The following KIAA1210 variants were observed in gnomAD, a reference collection of about 807,000 sequenced individuals.
The protein encoded by KIAA1210 is acrosomal protein KIAA1210.
A neutral mutation model predicts 78.9 loss-of-function variants in KIAA1210; 48 were observed. That is an observed-to-expected ratio of 0.61 (90% CI 0.48 to 0.77). The LOEUF (loss-of-function observed/expected upper bound fraction) is 0.77, where lower values mean the gene tolerates loss of function less well. Among genes scored for constraint, KIAA1210 ranks in the 30% least tolerant of loss-of-function variants. The pLI, the probability that KIAA1210 is intolerant of heterozygous loss-of-function variation, is 0.00. For synonymous variants in KIAA1210, 406 were observed against 404.5 expected (o/e 1.00, Z -0.04); for missense variants, 1,108 against 1,100.0 (o/e 1.01, Z -0.10).
At position 119,096,269 on chromosome X, in the gene KIAA1210, C is replaced by A. The variant is rs183339509; in HGVS notation, c.846+225G>T. On this transcript the variant is annotated intron_variant, in intron 7 of 11. Coordinates refer to ENST00000691062, the MANE Select transcript of KIAA1210 (RefSeq NM_001394962.1). Reference sequence around the variant, plus strand: ...TTTACTGTTTCTGCTTCCTTTTAGTCCCTTCTAATATAAGTTCCACATGGA... The same window carrying A: ...TTTACTGTTTCTGCTTCCTTTTAGTACCTTCTAATATAAGTTCCACATGGA... Among the ~76,000 whole-genome samples the A allele has an allele frequency of 1.2e-4, 14 of 112,229 alleles. No individual in the cohort carries two copies. The East Asian group carries it at 3.6e-3, about 29-fold the overall frequency.
At chrX:119,096,080 T>A (rs1927542731) in intron 7 of KIAA1210, among the ~76,000 whole-genome samples, 1 of 112,069 alleles carries the variant, frequency 8.9e-6, no homozygotes, top group Admixed American at 9.4e-5. Context: ...GAAAGCTTGA[T>A]CTCCAAATAA....
chrX:119,107,145 G>A (rs1390369840), intron 5 of KIAA1210, among the ~76,000 whole-genome samples: 1 of 112,675 alleles, frequency 8.9e-6, no homozygotes, highest in Non-Finnish European at 1.9e-5. Context: ...TATCAACTAA[G>A]GGATCAGGCC....
chrX:119,145,429 C>G (rs761862469), intron 2 of KIAA1210, among the ~76,000 whole-genome samples: 2 of 110,524 alleles, frequency 1.8e-5, no homozygotes, highest in Non-Finnish European at 3.8e-5. Flanking sequence ...CCCTGGGGAG[C>G]AAAATTATCC....
intron 2 of KIAA1210, among the ~76,000 whole-genome samples, chrX:119,135,534 T>G (rs1332746209): frequency 9.0e-6 from 1 of 111,250 alleles, no homozygotes; most frequent in African/African-American, 3.3e-5. Context: ...AAAGTCAGAA[T>G]TGAGGGGCCC....
intron 3 of KIAA1210, among the ~76,000 whole-genome samples, chrX:119,111,345 G>A (rs1266172486): frequency 9.0e-6 from 1 of 111,603 alleles, no homozygotes; most frequent in Non-Finnish European, 1.9e-5. Context: ...GCAAAGACTT[G>A]GAACCAACCC....
chrX:119,086,070 C>T (rs890866056), intron 9 of KIAA1210, among the ~76,000 whole-genome samples: 2 of 112,589 alleles, frequency 1.8e-5, no homozygotes, highest in Non-Finnish European at 3.7e-5. Flanking sequence ...TCGCCTAGCT[C>T]TAAATTCTTA....
rs1019467283 is a variant in KIAA1210, at chrX:119,098,628, G to C, written c.649-1937C>G. Among the ~76,000 whole-genome samples, 3 of 103,623 alleles carry C rather than the reference G, an allele frequency of 2.9e-5. No homozygotes were observed. In the East Asian group the frequency reaches 9.1e-4, roughly 32 times the overall value. 90.0% of individuals were successfully genotyped at this position (103,623 alleles called of 115,157 possible). Reference sequence around the variant, plus strand: ...TCAAAAAAAAAAAAAAAAAAAAAAGGCACCTTTTCAGTGATGTCTTCCCTG... The same window carrying C: ...TCAAAAAAAAAAAAAAAAAAAAAAGCCACCTTTTCAGTGATGTCTTCCCTG... On this transcript the variant is annotated intron_variant, in intron 6 of 11. Coordinates refer to ENST00000691062, the MANE Select transcript of KIAA1210 (RefSeq NM_001394962.1).
At chrX:119,114,890 A>G (rs751135415) in intron 3 of KIAA1210, among the ~76,000 whole-genome samples, 3 of 112,169 alleles carry the variant, frequency 2.7e-5, no homozygotes, top group African/African-American at 6.5e-5. Flanking sequence ...AAACTCCCAA[A>G]CAAAATCTCA....
At position 119,108,421 on chromosome X, in the gene KIAA1210, T is replaced by G. The variant is rs112075164; in HGVS notation, c.408A>C (p.Gly136=). 240 of 1,208,062 alleles carry G rather than the reference T, an allele frequency of 2.0e-4. 1 individual carries two copies. The African/African-American group carries it at 3.0e-3, about 15-fold the overall frequency. ...CTCCTGACATGGCTCCAGACACAAC[T>G]CCAGGAACCTTACTCCTAGGTTTAG... is the stretch of plus-strand genomic sequence containing the variant. ...TLPKPRSKVP[G]VVSGAMSGAV... is the part of the protein sequence containing the mutation. The change falls in exon 5 of 12, where the codon GGA becomes GGC. Residue 136 remains glycine, a synonymous_variant. Coordinates refer to ENST00000691062, the MANE Select transcript of KIAA1210 (RefSeq NM_001394962.1).
intron 7 of KIAA1210, chrX:119,094,168 C>G: frequency 1.6e-6 from 1 of 634,628 alleles, no homozygotes; most frequent in Admixed American, 2.6e-5. Context: ...ATTTGCTTCA[C>G]CAGACCTGTG....
chrX:119,105,134 C>T lies in KIAA1210; in HGVS notation c.506G>A (p.Arg169His), dbSNP rs369057021. ...TGGGATGATGCTGAGTCGGCGTCGGCGCGATGGTGGGTTCTGTCAAGAGGG... is the reference window on the plus strand; with the variant it reads ...TGGGATGATGCTGAGTCGGCGTCGGTGCGATGGTGGGTTCTGTCAAGAGGG... ...GPKITENPPS[R>H]RRRLSIIPPV... Residue 169 changes from arginine to histidine, a missense_variant, in exon 6 of 12, where the codon CGC (arginine) becomes CAC (histidine). Coordinates refer to ENST00000691062, the MANE Select transcript of KIAA1210 (RefSeq NM_001394962.1). 11 of 1,201,536 alleles carry T rather than the reference C, an allele frequency of 9.2e-6. No individual in the cohort carries two copies. Among genetic ancestry groups the T allele is most frequent in the South Asian group, 7.3e-5 (4 of 54,890 alleles).
At position 119,116,484 on chromosome X, in the gene KIAA1210, A is replaced by C. The variant is rs1928268136; in HGVS notation, c.230+12T>G. ...CCCTGTCCCCATCACTCTCCACCGC[A>C]TCTGAGCTCACCTGGCCTTAGTTGG... is the stretch of plus-strand genomic sequence containing the variant. On this transcript the variant is annotated intron_variant, in intron 3 of 11. Transcript: ENST00000691062. 1 of 1,208,708 alleles carries C rather than the reference A, an allele frequency of 8.3e-7. No homozygotes were observed. The highest frequency in any genetic ancestry group is 1.1e-6 in the Non-Finnish European group (1 of 893,981).
chrX:119,150,317 G>A (rs763902237), exon 1 of KIAA1210: 5 of 1,206,681 alleles, frequency 4.1e-6, no homozygotes, highest in African/African-American at 3.5e-5. Flanking sequence ...AGGGAATCGC[G>A]GTGTGCAGGG....
chrX:119,081,202 G>A lies in KIAA1210; in HGVS notation c.*127C>T. The A allele has an allele frequency of 4.0e-6, 2 of 494,804 alleles. No individual in the cohort carries two copies. 40.8% of individuals were successfully genotyped at this position (494,804 alleles called of 1,213,427 possible). On this transcript the variant is annotated 3_prime_UTR_variant, in exon 12 of 12. Transcript: ENST00000691062. Reference sequence around the variant, plus strand: ...GAGTGGCGTGAACCCGGGAGGCGGAGCTTGCAGTGAGCGGAGATCGCGCCA... The same window carrying A: ...GAGTGGCGTGAACCCGGGAGGCGGAACTTGCAGTGAGCGGAGATCGCGCCA...
upstream of KIAA1210, among the ~76,000 whole-genome samples, chrX:119,130,919 C>A (rs112299674): frequency 2.0e-4 from 22 of 111,314 alleles, no homozygotes; most frequent in African/African-American, 6.8e-4. Flanking sequence ...CCCAGAGCTG[C>A]CTTTTCCTTC....
At chrX:119,100,075 C>T (rs759692776) in intron 6 of KIAA1210, among the ~76,000 whole-genome samples, 1 of 110,599 alleles carries the variant, frequency 9.0e-6, no homozygotes, top group African/African-American at 3.3e-5. Context: ...CCAGGCATGG[C>T]GGCTCACACC....
At chrX:119,135,989 G>T (rs1928904034) in intron 2 of KIAA1210, among the ~76,000 whole-genome samples, 1 of 110,839 alleles carries the variant, frequency 9.0e-6, no homozygotes, top group Non-Finnish European at 1.9e-5. Context: ...GGAGGCAGAG[G>T]TTGCAATGAG....
chrX:119,115,571 T>C (rs759582674), intron 3 of KIAA1210, among the ~76,000 whole-genome samples: 141 of 112,347 alleles, frequency 1.3e-3, no homozygotes, highest in Non-Finnish European at 2.4e-3. Flanking sequence ...CATTATGTTA[T>C]AGAATGTATT....
chrX:119,142,018 T>C (rs1160851713), intron 2 of KIAA1210, among the ~76,000 whole-genome samples: 1 of 112,087 alleles, frequency 8.9e-6, no homozygotes, highest in Non-Finnish European at 1.9e-5. Flanking sequence ...CATAACATAA[T>C]TGTGAAAGGG....
Sources: gnomAD v4.1 joint callset for allele counts (sites outside exome capture counted in the v4.1 genomes callset) on GRCh38, gnomAD v4.1.1 for gene constraint, MANE v1.5 for transcripts, NCBI Gene and HGNC (gene_info 2026-07-23, HGNC 2026-07-21) for gene names.